The following ZNF362 variants were observed in gnomAD, a reference collection of about 807,000 sequenced individuals.
The protein encoded by ZNF362 is zinc finger protein 362.
ZNF362 carries 11 observed loss-of-function variants against 42.9 expected under a neutral mutation model. The ratio of observed to expected loss-of-function variants is 0.26; its 90% CI spans 0.16 to 0.42. ZNF362 has a LOEUF of 0.42. ZNF362 is among the 20% of genes least tolerant of loss of function. The pLI, the probability that ZNF362 is intolerant of heterozygous loss-of-function variation, is 1.00. For synonymous variants in ZNF362, 255 were observed against 257.3 expected, an observed-to-expected ratio of 0.99 and a Z score of 0.09; for missense variants, 362 against 576.2, an observed-to-expected ratio of 0.63 and a Z score of 3.81.
chr1:33,154,485 T>C, the ZNF362 span, among the ~76,000 whole-genome samples: 1 of 151,348 alleles, frequency 6.6e-6, no homozygotes, highest in Non-Finnish European at 1.5e-5. Context: ...CTTTAGATCT[T>C]TTTTTTTTCT....
At chr1:33,173,659 C>T in the ZNF362 span, among the ~76,000 whole-genome samples, 1 of 148,840 alleles carries the variant, frequency 6.7e-6, no homozygotes, top group Non-Finnish European at 1.5e-5. Flanking sequence ...GGTTTTCTGA[C>T]CTTAAGCACA....
chr1:33,261,232 G>A (rs1570380145), intron 1 of ZNF362: 1 of 152,090 alleles, frequency 6.6e-6, no homozygotes, highest in Non-Finnish European at 1.5e-5. Context: ...AAGGGCCTCT[G>A]ATCTCTGCCA....
intron 1 of ZNF362, among the ~76,000 whole-genome samples, chr1:33,268,683 A>G (rs538173736): frequency 1.3e-3 from 199 of 152,276 alleles, no homozygotes; most frequent in Non-Finnish European, 2.0e-3. Context: ...GAGAGGATGC[A>G]GCCTGTGGAA....
At chr1:33,214,030 A>G in the ZNF362 span, among the ~76,000 whole-genome samples, 1 of 152,232 alleles carries the variant, frequency 6.6e-6, no homozygotes, top group African/African-American at 2.4e-5. Context: ...AGGGAAAAAA[A>G]GAATAGAATT....
intron 8 of ZNF362, among the ~76,000 whole-genome samples, chr1:33,296,842 T>G (rs894809534): frequency 1.4e-5 from 2 of 139,918 alleles, no homozygotes; most frequent in African/African-American, 5.1e-5. Context: ...TTTTTTTTTT[T>G]GGTATATTTT....
chr1:33,175,050 T>TATGTATATGTATATGTATATGTA, the ZNF362 span, among the ~76,000 whole-genome samples: 1 of 151,396 alleles, frequency 6.6e-6, no homozygotes, highest in East Asian at 1.9e-4. Flanking sequence ...TGTATATGTA[T>TATGTATATGTATATGTATATGTA]TTTTTTTAAG....
the ZNF362 span, among the ~76,000 whole-genome samples, chr1:33,228,854 A>G: frequency 2.0e-5 from 3 of 152,116 alleles, no homozygotes; most frequent in African/African-American, 7.2e-5. Flanking sequence ...AACCTCCGCC[A>G]CTTCCCACAT....
rs140185863 is a variant in ZNF362, at chr1:33,258,365, G to C, written c.-89+1711G>C. On this transcript the variant is annotated intron_variant, in intron 1 of 8. Transcript: ENST00000539719. Reference sequence around the variant, plus strand: ...CTACCCCAGCATTTCTTGGAGGGGAGACCCTTCTAGTCTCACTCCTGGTTT... The same window carrying C: ...CTACCCCAGCATTTCTTGGAGGGGACACCCTTCTAGTCTCACTCCTGGTTT... Among the ~76,000 whole-genome samples the C allele has an allele frequency of 5.2e-3, 787 of 152,266 alleles. 11 individuals are homozygous for C. The highest frequency in any genetic ancestry group is 0.018 in the African/African-American group (745 of 41,562).
the ZNF362 span, among the ~76,000 whole-genome samples, chr1:33,143,493 G>T: frequency 6.6e-6 from 1 of 152,156 alleles, no homozygotes; most frequent in Non-Finnish European, 1.5e-5. Context: ...AATCACCCCA[G>T]TCACTTCCCT....
chr1:33,187,180 G>T, the ZNF362 span, among the ~76,000 whole-genome samples: 6 of 152,186 alleles, frequency 3.9e-5, no homozygotes, highest in Non-Finnish European at 7.4e-5. Flanking sequence ...GCTGCTCCCT[G>T]GTGGTGTTTA....
chr1:33,249,558 C>A, the ZNF362 span, among the ~76,000 whole-genome samples: 6 of 152,042 alleles, frequency 3.9e-5, no homozygotes, highest in African/African-American at 1.4e-4. Context: ...CCTTCCTGCC[C>A]CACTCCCCCA....
chr1:33,240,106 G>A, the ZNF362 span, among the ~76,000 whole-genome samples: 1 of 152,190 alleles, frequency 6.6e-6, no homozygotes, highest in Non-Finnish European at 1.5e-5. Flanking sequence ...CAGGACATTA[G>A]TGTGGTCTTA....
intron 1 of ZNF362, among the ~76,000 whole-genome samples, chr1:33,265,173 C>T (rs1275821802): frequency 6.6e-6 from 1 of 151,536 alleles, no homozygotes; most frequent in African/African-American, 2.4e-5. Context: ...GGGATGTGCT[C>T]CAAGCCTGTA....
the ZNF362 span, among the ~76,000 whole-genome samples, chr1:33,169,011 C>T: frequency 1.2e-4 from 8 of 65,906 alleles, no homozygotes; most frequent in Non-Finnish European, 2.6e-4. Flanking sequence ...GCTCCTTCCT[C>T]CTGGATCCCG....
intron 6 of ZNF362, among the ~76,000 whole-genome samples, chr1:33,287,011 G>T (rs1414574050): frequency 6.6e-6 from 1 of 152,210 alleles, no homozygotes; most frequent in African/African-American, 2.4e-5. Context: ...CGGTTGAGTG[G>T]CGTTGGAGCA....
the ZNF362 span, among the ~76,000 whole-genome samples, chr1:33,224,411 G>T: frequency 2.0e-5 from 3 of 152,180 alleles, no homozygotes; most frequent in African/African-American, 7.2e-5. Context: ...TGTAAAGGAT[G>T]CAAAAATACA....
At chr1:33,145,520 C>T in the ZNF362 span, 1 of 171,418 alleles carries the variant, frequency 5.8e-6, no homozygotes, top group South Asian at 1.3e-4. Context: ...TGGGGTAGGG[C>T]TGACAATTCC....
the ZNF362 span, among the ~76,000 whole-genome samples, chr1:33,138,208 G>T: frequency 6.6e-6 from 1 of 152,126 alleles, no homozygotes; most frequent in African/African-American, 2.4e-5. Context: ...TCAGAATGGG[G>T]GTTAGGAAAA....
At chr1:33,244,083 A>G in the ZNF362 span, among the ~76,000 whole-genome samples, 1 of 152,162 alleles carries the variant, frequency 6.6e-6, no homozygotes, top group African/African-American at 2.4e-5. The surrounding 1 kb of genome is among the most constrained non-coding windows in gnomAD (Gnocchi z 4.0). Context: ...TGTAATCACT[A>G]TGATGTCTAC....
Sources: gnomAD v4.1 joint callset for allele counts (sites outside exome capture counted in the v4.1 genomes callset) on GRCh38, gnomAD v4.1.1 for gene constraint, Gnocchi (gnomAD v3.1) non-coding constraint, MANE v1.5 for transcripts, NCBI Gene and HGNC (gene_info 2026-07-23, HGNC 2026-07-21) for gene names.